The following NCKAP1L variants were observed in gnomAD, a reference collection of about 807,000 sequenced individuals.
The protein encoded by NCKAP1L is nck-associated protein 1-like.
Under a neutral mutation model 139.2 loss-of-function variants are expected in NCKAP1L, and 53 were observed. That is an observed-to-expected ratio of 0.38 (90% CI 0.31 to 0.48). The LOEUF (loss-of-function observed/expected upper bound fraction) is 0.48. Ranked by LOEUF, NCKAP1L falls within the 20% of genes least tolerant of loss-of-function variation. The probability of loss-of-function intolerance (pLI) is 0.98; values close to 1 mark genes in which losing one functional copy is unlikely to be tolerated. For missense variants in NCKAP1L, 1,151 were observed against 1,381.9 expected (o/e 0.83, Z 2.65); for synonymous variants, 468 against 499.7 (o/e 0.94, Z 0.85).
intron 20 of NCKAP1L, 111 bp downstream of exon 20, chr12:54,524,067 G>T (rs1024411150): frequency 1.8e-6 from 2 of 1,128,730 alleles, no homozygotes; most frequent in Admixed American, 2.2e-5. Context: ...ATTCATCCTG[G>T]TGGTCATGCC....
At chr12:54,510,835 G>A (rs1379144339) in intron 7 of NCKAP1L, among the ~76,000 whole-genome samples, 1 of 151,488 alleles carries the variant, frequency 6.6e-6, no homozygotes, top group Non-Finnish European at 1.5e-5. Flanking sequence ...TTATTTTTTT[G>A]TAGAGACGAG....
chr12:54,518,081 CT>C, intron 13 of NCKAP1L, 143 bp downstream of exon 13: 1 of 922,856 alleles, frequency 1.1e-6, no homozygotes, highest in Non-Finnish European at 1.6e-6. Flanking sequence ...TGGCTCACGT[CT>C]GTAATCCAAG....
intron 3 of NCKAP1L, among the ~76,000 whole-genome samples, chr12:54,501,946 A>G (rs925222476): frequency 6.6e-6 from 1 of 152,150 alleles, no homozygotes; most frequent in African/African-American, 2.4e-5. Flanking sequence ...GGTGTGAGGT[A>G]TTATCTCATC....
At chr12:54,539,169 A>G (rs767700179) in intron 30 of NCKAP1L, among the ~76,000 whole-genome samples, 196 bp downstream of exon 30, 1 of 152,240 alleles carries the variant, frequency 6.6e-6, no homozygotes, top group South Asian at 2.1e-4. Flanking sequence ...CCCAGAGTAG[A>G]GTCTTCAAGG....
At chr12:54,534,148 G>T (rs866474145) in intron 26 of NCKAP1L, among the ~76,000 whole-genome samples, 1 of 152,172 alleles carries the variant, frequency 6.6e-6, no homozygotes, top group African/African-American at 2.4e-5. Flanking sequence ...TAAGATAAAG[G>T]AAGAGGATGT....
chr12:54,539,088 G>A (rs1246083245), intron 30 of NCKAP1L, 115 bp downstream of exon 30: 2 of 811,520 alleles, frequency 2.5e-6, no homozygotes, highest in Non-Finnish European at 4.0e-6. Flanking sequence ...ATTAACTAAG[G>A]ACTTAACTCT....
intron 26 of NCKAP1L, among the ~76,000 whole-genome samples, chr12:54,533,908 G>A (rs1475150999): frequency 6.6e-6 from 1 of 152,188 alleles, no homozygotes; most frequent in Non-Finnish European, 1.5e-5. Flanking sequence ...TAGTTGTCCA[G>A]TATTAAAACA....
chr12:54,542,689 C>A lies in NCKAP1L; in HGVS notation c.*4C>A, dbSNP rs1216188886. The stretch of plus-strand genomic sequence containing the variant: ...TCGGGCCTTCCACCTAAACTGAATG[C>A]CTGCCAGTACCCACTGAAGAGCCCT... On this transcript the variant is annotated 3_prime_UTR_variant, in exon 31 of 31. Coordinates refer to ENST00000293373, the MANE Select transcript of NCKAP1L (RefSeq NM_005337.5). The A allele has an allele frequency of 1.2e-6, 2 of 1,603,298 alleles. No individual in the cohort carries two copies. The highest frequency in any genetic ancestry group is 1.7e-6 in the Non-Finnish European group (2 of 1,170,180).
chr12:54,526,772 T>C, intron 21 of NCKAP1L, 26 bp downstream of exon 21: 3 of 1,593,352 alleles, frequency 1.9e-6, no homozygotes, highest in African/African-American at 1.3e-5. Flanking sequence ...GCTTTTCCAC[T>C]GCCTTACTTT....
intron 22 of NCKAP1L, 24 bp downstream of exon 22, chr12:54,528,401 T>C: frequency 6.2e-7 from 1 of 1,610,890 alleles, no homozygotes; most frequent in South Asian, 1.1e-5. Flanking sequence ...CTGGTCTTCT[T>C]GTCAAGGAGC....
chr12:54,548,086 C>T lies in NCKAP1L; in HGVS notation c.*5401C>T, dbSNP rs1340984592. 1.3e-5 allele frequency: 2 copies of T among 152,284 alleles called. No homozygotes were observed. Among genetic ancestry groups the T allele is most frequent in the South Asian group, 2.1e-4 (1 of 4,828 alleles). The allele number at this position is 152,284 out of a possible 1,614,324, so 9.4% of individuals were successfully genotyped here. A position where few individuals can be genotyped will look rare whatever the true frequency, so the allele number is the denominator to read the frequency against. On this transcript the variant is annotated 3_prime_UTR_variant, in exon 31 of 31. Coordinates refer to ENST00000293373, the MANE Select transcript of NCKAP1L (RefSeq NM_005337.5). ...AGTCTTAGCTGTGACAGTTCATCCG[C>T]TTCTTCGCCCTTCCATTTCACTTCT... is the stretch of plus-strand genomic sequence containing the variant.
In NCKAP1L at chr12:54,538,963, T is replaced by C. The variant is rs755397163; in HGVS notation, c.3263T>C (p.Leu1088Pro). 2 of 1,613,964 alleles carry C rather than the reference T, an allele frequency of 1.2e-6. No individual in the cohort carries two copies. Among genetic ancestry groups the C allele is most frequent in the Non-Finnish European group, 1.7e-6 (2 of 1,179,872 alleles). Residue 1088 changes from leucine (L) to proline (P), a missense_variant, in exon 30 of 31, where the codon CTC (leucine) becomes CCC (proline). By Grantham distance (98) the Leu-to-Pro change is moderately conservative. Coordinates refer to ENST00000293373, the MANE Select transcript of NCKAP1L (RefSeq NM_005337.5). ...AGAAATCGAGAATCCATTTCTCTGCTCATGCGCTTGGTAAGTACCTTATTT... is the reference window on the plus strand; with the variant it reads ...AGAAATCGAGAATCCATTTCTCTGCCCATGCGCTTGGTAAGTACCTTATTT... ...KTRNRESISL[L>P]MRLVVEESSF... is the part of the protein sequence containing the mutation.
At chr12:54,515,956 A>C (rs1211579971) in intron 9 of NCKAP1L, among the ~76,000 whole-genome samples, 2 of 152,140 alleles carry the variant, frequency 1.3e-5, no homozygotes, top group African/African-American at 4.8e-5. Flanking sequence ...GTCTAGCCCC[A>C]CCTTTGCCAT....
rs34286028 is a variant in NCKAP1L, at chr12:54,517,592, C to T, written c.1155C>T (p.Arg385=). 17,854 of 1,614,028 alleles carry T rather than the reference C, an allele frequency of 0.011. 126 individuals carry two copies. Among genetic ancestry groups the T allele is most frequent in the Non-Finnish European group, 0.014 (16,624 of 1,179,936 alleles). ...FIRDEVTWLV[R]HTENVTKTKT... ...GTGATGAGGTCACCTGGCTGGTTCG[C>T]CACACAGAGAATGTCACCAAGACAA... Residue 385 remains arginine (R), a synonymous_variant, in exon 12 of 31, where the codon CGC becomes CGT. Transcript: ENST00000293373.
At chr12:54,498,398 G>A (rs1361432724) in intron 1 of NCKAP1L, among the ~76,000 whole-genome samples, 1 of 102,990 alleles carries the variant, frequency 9.7e-6, no homozygotes, top group South Asian at 2.6e-4. Context: ...TGCTGTGGTG[G>A]TTGTGTGTGT....
chr12:54,499,562 G>A lies in NCKAP1L; in HGVS notation c.213+97G>A, dbSNP rs774879545. ...ATGCCTCTCTTCAAACTTGGCAGGG[G>A]ATGGAGTAGTCTTTTTTTATTAATA... On this transcript the variant is annotated intron_variant, in intron 2 of 30. Coordinates refer to ENST00000293373, the MANE Select transcript of NCKAP1L (RefSeq NM_005337.5). 58 of 710,638 alleles carry A rather than the reference G, an allele frequency of 8.2e-5. No individual in the cohort carries two copies. The Middle Eastern group carries it at 1.2e-3, about 15-fold the overall frequency. The allele number at this position is 710,638 out of a possible 1,614,324, so 44.0% of individuals were successfully genotyped here.
chr12:54,507,346 T>TTTATATGCAATTAAATGAAGTTAA (rs1956850834), intron 3 of NCKAP1L, among the ~76,000 whole-genome samples: 1 of 152,124 alleles, frequency 6.6e-6, no homozygotes, highest in Admixed American at 6.5e-5. Context: ...TTAAATGAAG[T>TTTATATGCAATTAAATGAAGTTAA]ATATGCAAAT....
intron 30 of NCKAP1L, 27 bp from the exon 31 acceptor site, chr12:54,542,548 C>A: frequency 1.3e-6 from 2 of 1,545,892 alleles, no homozygotes; most frequent in East Asian, 2.2e-5. Context: ...ACCTGAGGTT[C>A]TCATCTCTTG....
Position 54,543,479 on chromosome 12 carries a change from G to C in NCKAP1L, c.*794G>C, listed in dbSNP as rs777492897. 2 of 152,210 alleles carry C rather than the reference G, an allele frequency of 1.3e-5. No homozygotes were observed. The highest frequency in any genetic ancestry group is 2.9e-5 in the Non-Finnish European group (2 of 68,050). The allele number at this position is 152,210 out of a possible 1,614,324, so 9.4% of individuals were successfully genotyped here. ...GGTTACATGACAACTGATTGGCCCA[G>C]ACTTAGGTGGGTTTTCCCTCCTGTA... On this transcript the variant is annotated 3_prime_UTR_variant, in exon 31 of 31. Coordinates refer to ENST00000293373, the MANE Select transcript of NCKAP1L (RefSeq NM_005337.5).
Sources: allele counts gnomAD v4.1 joint callset (sites outside exome capture counted in the v4.1 genomes callset), GRCh38; gene constraint gnomAD v4.1.1; transcripts MANE v1.5; gene names NCBI Gene and HGNC (gene_info 2026-07-23, HGNC 2026-07-21).